The following SH3GL2 variants were observed in gnomAD, a reference collection of about 807,000 sequenced individuals.
SH3GL2 encodes SH3 domain containing GRB2 like 2, endophilin A1.
SH3GL2 carries 24 observed loss-of-function variants against 46.0 expected under a neutral mutation model. That is an observed-to-expected ratio of 0.52 (90% CI 0.38 to 0.73). The LOEUF (loss-of-function observed/expected upper bound fraction) is 0.73. SH3GL2 is among the 30% of genes least tolerant of loss of function. SH3GL2 has a pLI of 0.00. For missense variants in SH3GL2, 413 were observed against 424.2 expected (o/e 0.97, Z 0.23); for synonymous variants, 196 against 147.1 (o/e 1.33, Z -2.40).
At chr9:17,641,319 A>G (rs1819676024) in intron 1 of SH3GL2, among the ~76,000 whole-genome samples, 1 of 152,232 alleles carries the variant, frequency 6.6e-6, no homozygotes, top group African/African-American at 2.4e-5. Context: ...GGACAGATGT[A>G]TGAATGAGAG....
intron 3 of SH3GL2, among the ~76,000 whole-genome samples, chr9:17,761,947 A>G (rs547812729): frequency 6.6e-6 from 1 of 152,274 alleles, no homozygotes; most frequent in East Asian, 1.9e-4. Flanking sequence ...GGCATCACCA[A>G]AGTCTTCAGA....
chr9:17,678,989 A>G (rs529098439), intron 1 of SH3GL2, among the ~76,000 whole-genome samples: 4 of 152,078 alleles, frequency 2.6e-5, no homozygotes, highest in Admixed American at 1.3e-4. Flanking sequence ...CCATTGGTCT[A>G]TATCTCTATT....
intron 1 of SH3GL2, among the ~76,000 whole-genome samples, chr9:17,691,064 T>A (rs1047473801): frequency 6.6e-6 from 1 of 152,172 alleles, no homozygotes; most frequent in Non-Finnish European, 1.5e-5. Context: ...TGAAACCTCT[T>A]ATTACCAATA....
At chr9:17,727,812 A>T (rs1249948521) in intron 1 of SH3GL2, among the ~76,000 whole-genome samples, 1 of 151,936 alleles carries the variant, frequency 6.6e-6, no homozygotes, top group Non-Finnish European at 1.5e-5. Flanking sequence ...CCCTTTACTG[A>T]CCTTCCCTTT....
intron 1 of SH3GL2, among the ~76,000 whole-genome samples, chr9:17,658,353 C>T (rs544214044): frequency 3.9e-5 from 6 of 152,144 alleles, no homozygotes; most frequent in Non-Finnish European, 8.8e-5. Flanking sequence ...GCTTCCTGTT[C>T]GTTTGATTTC....
intron 1 of SH3GL2, among the ~76,000 whole-genome samples, chr9:17,659,987 A>G (rs1352909800): frequency 6.6e-6 from 1 of 152,170 alleles, no homozygotes; most frequent in Non-Finnish European, 1.5e-5. Flanking sequence ...GAGTAGTTGT[A>G]AGTATAGTGG....
chr9:17,670,539 T>C (rs1820448365), intron 1 of SH3GL2, among the ~76,000 whole-genome samples: 1 of 152,224 alleles, frequency 6.6e-6, no homozygotes, highest in Non-Finnish European at 1.5e-5. Context: ...TCCAAGTTTT[T>C]ACACAAAACA....
At chr9:17,755,941 G>A (rs994692070) in intron 2 of SH3GL2, 1 of 173,750 alleles carries the variant, frequency 5.8e-6, no homozygotes, top group Non-Finnish European at 1.1e-5. Flanking sequence ...GAAATAATCA[G>A]TATCATCTAT....
chr9:17,747,830 C>T (rs912469262), intron 2 of SH3GL2, among the ~76,000 whole-genome samples: 4 of 151,944 alleles, frequency 2.6e-5, no homozygotes, highest in Admixed American at 6.6e-5. Context: ...CGCACCACCA[C>T]GTCTGGCTAA....
chr9:17,652,331 CAT>C (rs945103926), intron 1 of SH3GL2, among the ~76,000 whole-genome samples: 6 of 151,834 alleles, frequency 4.0e-5, no homozygotes, highest in African/African-American at 1.5e-4. Context: ...ATTATTTTTA[CAT>C]ATATGTGTTT....
intron 1 of SH3GL2, among the ~76,000 whole-genome samples, chr9:17,581,211 C>A (rs1424691865): frequency 6.6e-6 from 1 of 151,924 alleles, no homozygotes; most frequent in Non-Finnish European, 1.5e-5. Flanking sequence ...TAGAGCGCTC[C>A]ATTTCCGCTA....
chr9:17,742,571 A>G (rs548983516), intron 1 of SH3GL2, among the ~76,000 whole-genome samples: 3 of 152,296 alleles, frequency 2.0e-5, no homozygotes, highest in South Asian at 2.1e-4. Flanking sequence ...ATTTGCCTTG[A>G]TTTATGCTAC....
At chr9:17,708,807 G>A (rs936414939) in intron 1 of SH3GL2, among the ~76,000 whole-genome samples, 1 of 152,026 alleles carries the variant, frequency 6.6e-6, no homozygotes, top group African/African-American at 2.4e-5. Context: ...ACCTGATTAC[G>A]AGATTCAGTT....
At chr9:17,656,394 A>ATT (rs145735950) in intron 1 of SH3GL2, among the ~76,000 whole-genome samples, 2 of 150,018 alleles carry the variant, frequency 1.3e-5, no homozygotes, top group Admixed American at 6.7e-5. Flanking sequence ...TTGAAAATTG[A>ATT]TTTTTTTTTT....
intron 1 of SH3GL2, among the ~76,000 whole-genome samples, chr9:17,700,044 C>G (rs950309973): frequency 7.6e-5 from 11 of 144,896 alleles, no homozygotes; most frequent in Admixed American, 4.7e-4. Flanking sequence ...TGCTGATGAT[C>G]TCTGTGCAAG....
At chr9:17,600,370 T>A (rs191492538) in intron 1 of SH3GL2, among the ~76,000 whole-genome samples, 1 of 152,362 alleles carries the variant, frequency 6.6e-6, no homozygotes, top group African/African-American at 2.4e-5. Flanking sequence ...AAGACAGGAA[T>A]GTAATGTCGA....
chr9:17,580,843 A>G (rs969850038), intron 1 of SH3GL2, among the ~76,000 whole-genome samples: 2 of 152,194 alleles, frequency 1.3e-5, no homozygotes, highest in Non-Finnish European at 2.9e-5. Context: ...GCGTTTACCA[A>G]CACATCTTTT....
chr9:17,698,475 T>C (rs571856392), intron 1 of SH3GL2, among the ~76,000 whole-genome samples: 4 of 152,202 alleles, frequency 2.6e-5, no homozygotes, highest in African/African-American at 9.7e-5. Context: ...CCTTGGAAAG[T>C]ATTTTTTTAA....
chr9:17,756,514 C>T (rs1181946912), intron 2 of SH3GL2, among the ~76,000 whole-genome samples: 2 of 139,462 alleles, frequency 1.4e-5, no homozygotes, highest in East Asian at 2.2e-4. Context: ...TGTGATGTTC[C>T]CCTTCCTGTG....
Sources: gnomAD v4.1 joint callset for allele counts (sites outside exome capture counted in the v4.1 genomes callset) on GRCh38, gnomAD v4.1.1 for gene constraint, MANE v1.5 for transcripts, NCBI Gene and HGNC (gene_info 2026-07-23, HGNC 2026-07-21) for gene names.